PSMA1: variants seen among roughly 807,000 people sequenced by gnomAD.
The protein encoded by PSMA1 is proteasome subunit alpha type-1.
PSMA1 carries 3 observed loss-of-function variants against 38.4 expected under a neutral mutation model. That is an observed-to-expected ratio of 0.08 (90% CI 0.04 to 0.20). PSMA1 has a LOEUF of 0.20. Ranked by LOEUF, PSMA1 falls within the 10% of genes least tolerant of loss-of-function variation. The probability of loss-of-function intolerance (pLI) is 1.00; values close to 1 mark genes in which losing one functional copy is unlikely to be tolerated. For missense variants in PSMA1, 227 were observed against 325.3 expected (o/e 0.70, Z 2.32); for synonymous variants, 101 against 107.1 (o/e 0.94, Z 0.35).
chr11:14,638,529 CTCTCTCTCTCTCTCTCTATA>C (rs1392652219), intron 1 of PSMA1, among the ~76,000 whole-genome samples: 5 of 26,626 alleles, frequency 1.9e-4, no homozygotes, highest in Admixed American at 5.2e-4. Context: ...CTCTCTCTCT[CTCTCTCTCTCTCTCTCTATA>C]TATATATATA....
At chr11:14,629,342 A>G (rs1472187919) in intron 1 of PSMA1, among the ~76,000 whole-genome samples, 3 of 152,244 alleles carry the variant, frequency 2.0e-5, no homozygotes, top group South Asian at 2.1e-4. Context: ...ATTGATTTTT[A>G]TATAAGGTGT....
chr11:14,573,042 A>G (rs537601414), intron 2 of PSMA1, among the ~76,000 whole-genome samples: 1 of 152,194 alleles, frequency 6.6e-6, no homozygotes, highest in Admixed American at 6.5e-5. Context: ...CAACCAAAAA[A>G]AGTCCAGGAC....
intron 1 of PSMA1, among the ~76,000 whole-genome samples, chr11:14,618,693 T>C (rs1365973914): frequency 6.6e-6 from 1 of 152,260 alleles, no homozygotes; most frequent in Non-Finnish European, 1.5e-5. Flanking sequence ...TTAACTGGCT[T>C]CCATTTATTA....
intron 2 of PSMA1, among the ~76,000 whole-genome samples, chr11:14,595,256 T>G (rs553333530): frequency 1.0e-3 from 159 of 152,334 alleles, no homozygotes; most frequent in Admixed American, 2.0e-3. Context: ...TTTACAATCC[T>G]TGAGGTATAT....
At chr11:14,573,226 T>C (rs1043644650) in intron 2 of PSMA1, among the ~76,000 whole-genome samples, 3 of 152,092 alleles carry the variant, frequency 2.0e-5, no homozygotes, top group Admixed American at 2.0e-4. Context: ...GAATTTTAGA[T>C]CAATATCCCT....
chr11:14,555,553 C>T (rs936051392), intron 2 of PSMA1, among the ~76,000 whole-genome samples: 2 of 152,322 alleles, frequency 1.3e-5, no homozygotes, highest in Non-Finnish European at 2.9e-5. Context: ...TTTGCTCACT[C>T]TTCCCCACCT....
intron 2 of PSMA1, among the ~76,000 whole-genome samples, chr11:14,578,377 G>A (rs1396569369): frequency 6.6e-6 from 1 of 152,100 alleles, no homozygotes; most frequent in East Asian, 1.9e-4. Context: ...AATGAAAAAA[G>A]CATCATTGTC....
intron 1 of PSMA1, among the ~76,000 whole-genome samples, chr11:14,642,887 G>C (rs895031178): frequency 2.0e-5 from 3 of 152,080 alleles, no homozygotes; most frequent in African/African-American, 7.2e-5. Context: ...GAGTGGTCTT[G>C]GAGAGGATTC....
At chr11:14,642,996 A>AGG in intron 1 of PSMA1, among the ~76,000 whole-genome samples, 1 of 152,214 alleles carries the variant, frequency 6.6e-6, no homozygotes, top group South Asian at 2.1e-4. Flanking sequence ...GCTGTGTGGA[A>AGG]GGGGATACAA....
intron 2 of PSMA1, among the ~76,000 whole-genome samples, chr11:14,526,708 T>C (rs1020317101): frequency 3.3e-5 from 5 of 152,172 alleles, no homozygotes; most frequent in African/African-American, 1.2e-4. Context: ...TTATTCTGGA[T>C]ACCACACCTG....
intron 1 of PSMA1, among the ~76,000 whole-genome samples, chr11:14,612,319 A>T (rs1291301414): frequency 1.3e-5 from 2 of 152,238 alleles, no homozygotes; most frequent in African/African-American, 4.8e-5. Flanking sequence ...GTAACACACA[A>T]TTCTCATAAG....
At chr11:14,545,815 T>A (rs1294909636) in intron 2 of PSMA1, among the ~76,000 whole-genome samples, 1 of 152,226 alleles carries the variant, frequency 6.6e-6, no homozygotes, top group Non-Finnish European at 1.5e-5. Flanking sequence ...GGACTGCTAA[T>A]ACTTTATGAT....
chr11:14,553,290 T>G (rs1851906726), intron 2 of PSMA1, among the ~76,000 whole-genome samples: 1 of 152,176 alleles, frequency 6.6e-6, no homozygotes, highest in South Asian at 2.1e-4. Flanking sequence ...TTCAGGAAAT[T>G]TATATTGGTA....
Position 14,587,873 on chromosome 11 carries a change from C to T in PSMA1, c.21+23093G>A, listed in dbSNP as rs186703200. Reference sequence around the variant, plus strand: ...ATTTATATACTCCCTGACAGCATAGCCATTTTCTTCTTTTTGTGTCTCAGT... The same window carrying T: ...ATTTATATACTCCCTGACAGCATAGTCATTTTCTTCTTTTTGTGTCTCAGT... On this transcript the variant is annotated intron_variant, in intron 2 of 10. Coordinates refer to the PSMA1 transcript ENST00000418988. Among the ~76,000 whole-genome samples the T allele has an allele frequency of 1.3e-3, 192 of 152,238 alleles. 1 individual carries two copies. The highest frequency in any genetic ancestry group is 4.2e-3 in the African/African-American group (176 of 41,550).
chr11:14,601,861 A>G (rs1350214173), intron 2 of PSMA1, among the ~76,000 whole-genome samples: 1 of 152,218 alleles, frequency 6.6e-6, no homozygotes, highest in African/African-American at 2.4e-5. Context: ...GTCAAGGTCC[A>G]TGCCAAATAA....
At chr11:14,524,076 T>C (rs1196691986), upstream of PSMA1, among the ~76,000 whole-genome samples, 1 of 116,618 alleles carries the variant, frequency 8.6e-6, no homozygotes, top group Non-Finnish European at 1.6e-5. Flanking sequence ...GGCCAGGAGT[T>C]ACCAGCCTGA....
At chr11:14,635,616 G>A (rs944209378) in intron 1 of PSMA1, among the ~76,000 whole-genome samples, 1 of 152,026 alleles carries the variant, frequency 6.6e-6, no homozygotes, top group Admixed American at 6.5e-5. Context: ...TATTATTTCT[G>A]GAGCTGGTAA....
intron 2 of PSMA1, among the ~76,000 whole-genome samples, chr11:14,556,727 T>C (rs909059759): frequency 6.6e-6 from 1 of 152,248 alleles, no homozygotes; most frequent in Admixed American, 6.5e-5. Context: ...AGTTTTTCTA[T>C]AGGGTGTGAA....
At chr11:14,616,231 GTTTT>G (rs34292683) in intron 1 of PSMA1, among the ~76,000 whole-genome samples, 8 of 126,682 alleles carry the variant, frequency 6.3e-5, no homozygotes, top group Non-Finnish European at 1.0e-4. Context: ...GATCCCAACA[GTTTT>G]TTTTTTTTTT....
Sources: gnomAD v4.1 joint callset for allele counts (sites outside exome capture counted in the v4.1 genomes callset) on GRCh38, gnomAD v4.1.1 for gene constraint, MANE v1.5 for transcripts, NCBI Gene and HGNC (gene_info 2026-07-23, HGNC 2026-07-21) for gene names.